PRKG1: variants seen among roughly 807,000 people sequenced by gnomAD.
PRKG1 encodes cGMP-dependent protein kinase 1.
PRKG1 carries 35 observed loss-of-function variants against 88.1 expected under a neutral mutation model. The observed-to-expected ratio is 0.40, with a 90% confidence interval of 0.30 to 0.53. The LOEUF (loss-of-function observed/expected upper bound fraction) is 0.53. PRKG1 is among the 20% of genes least tolerant of loss of function. PRKG1 has a pLI of 0.59. For synonymous variants in PRKG1, 303 were observed against 292.5 expected (o/e 1.04, Z -0.37); for missense variants, 540 against 839.8 (o/e 0.64, Z 4.41).
chr10:52,054,163 A>G (rs1293688603), intron 5 of PRKG1, among the ~76,000 whole-genome samples: 1 of 152,244 alleles, frequency 6.6e-6, no homozygotes, highest in African/African-American at 2.4e-5. Flanking sequence ...AAATGACATT[A>G]AAAGCAGTCT....
At chr10:51,579,250 G>A (rs1015560064) in intron 3 of PRKG1, among the ~76,000 whole-genome samples, 1 of 151,932 alleles carries the variant, frequency 6.6e-6, no homozygotes, top group Non-Finnish European at 1.5e-5. Flanking sequence ...CCAAAGTGCT[G>A]GGATTACAGG....
intron 3 of PRKG1, among the ~76,000 whole-genome samples, chr10:51,573,478 G>A (rs1837808300): frequency 6.6e-6 from 1 of 151,798 alleles, no homozygotes; most frequent in Admixed American, 6.6e-5. Context: ...TAATTGTAAT[G>A]GGCCTTTTGC....
intron 5 of PRKG1, among the ~76,000 whole-genome samples, chr10:51,988,407 GT>G (rs1844218870): frequency 6.6e-6 from 1 of 152,010 alleles, no homozygotes; most frequent in African/African-American, 2.4e-5. Context: ...ATGATTAAGT[GT>G]TGGGTTGCTA....
chr10:51,876,984 C>T lies in PRKG1; in HGVS notation c.699-30523C>T, dbSNP rs1841315744. Among the ~76,000 whole-genome samples, 3 of 152,130 alleles carry T rather than the reference C, an allele frequency of 2.0e-5. No homozygotes were observed. In the South Asian group the frequency reaches 6.2e-4, roughly 32 times the overall value. On this transcript the variant is annotated intron_variant, in intron 4 of 17. Transcript: ENST00000373980. ...CCCTACCAATGGTTATTGAGATCAG[C>T]TCACAGATAAACTGTTCACACTCAA... is the stretch of plus-strand genomic sequence containing the variant.
chr10:51,412,571 G>A (rs2132690613), intron 2 of PRKG1, among the ~76,000 whole-genome samples: 1 of 152,294 alleles, frequency 6.6e-6, no homozygotes, highest in East Asian at 1.9e-4. Flanking sequence ...TTGAACCCGG[G>A]AGGCGGAGGT....
intron 5 of PRKG1, among the ~76,000 whole-genome samples, chr10:51,957,171 TTTAC>T (rs1230846446): frequency 1.1e-4 from 14 of 130,988 alleles, no homozygotes; most frequent in Admixed American, 3.8e-4. Flanking sequence ...CTCTCTTTCT[TTTAC>T]TTCCTTCCTT....
At chr10:51,471,113 C>G (rs1840037051) in intron 3 of PRKG1, among the ~76,000 whole-genome samples, 1 of 151,572 alleles carries the variant, frequency 6.6e-6, no homozygotes, top group African/African-American at 2.4e-5. Flanking sequence ...ATAAAATTAA[C>G]ATTATATTGG....
intron 9 of PRKG1, among the ~76,000 whole-genome samples, chr10:52,216,088 A>G (rs924862018): frequency 1.3e-5 from 2 of 152,228 alleles, no homozygotes; most frequent in Non-Finnish European, 2.9e-5. Flanking sequence ...CTGAAGTAAG[A>G]AGAGAGCTAG....
At chr10:51,759,986 A>C (rs981720256) in intron 3 of PRKG1, among the ~76,000 whole-genome samples, 1 of 152,214 alleles carries the variant, frequency 6.6e-6, no homozygotes, top group Non-Finnish European at 1.5e-5. Flanking sequence ...AATTGATAAA[A>C]CAAAGCTAGT....
At chr10:51,252,981 C>G (rs1023347731) in intron 2 of PRKG1, among the ~76,000 whole-genome samples, 1 of 151,694 alleles carries the variant, frequency 6.6e-6, no homozygotes, top group Admixed American at 6.6e-5. Context: ...TCAAACCAAC[C>G]CACCAGTGAG....
chr10:51,431,104 AAG>A (rs1385269697), intron 2 of PRKG1, among the ~76,000 whole-genome samples: 6 of 152,082 alleles, frequency 3.9e-5, no homozygotes, highest in Non-Finnish European at 8.8e-5. Flanking sequence ...AGATGTTAAA[AAG>A]AGAGAGAGAG....
intron 4 of PRKG1, among the ~76,000 whole-genome samples, chr10:51,833,935 A>T (rs1240046907): frequency 5.3e-5 from 8 of 152,158 alleles, no homozygotes; most frequent in Non-Finnish European, 8.8e-5. Context: ...GATTTTACAT[A>T]TAAGTGAGAT....
intron 17 of PRKG1, among the ~76,000 whole-genome samples, chr10:52,290,630 GGAGTTCAA>G (rs1842218195): frequency 6.6e-6 from 1 of 152,086 alleles, no homozygotes; most frequent in Non-Finnish European, 1.5e-5. Flanking sequence ...CTTGAGGCCA[GGAGTTCAA>G]GAGTTCAAGA....
chr10:51,717,565 C>T (rs1190591192), intron 3 of PRKG1, among the ~76,000 whole-genome samples: 1 of 152,152 alleles, frequency 6.6e-6, no homozygotes, highest in Non-Finnish European at 1.5e-5. Context: ...GGTACTGTGG[C>T]TCATGCCTGT....
chr10:52,138,732 G>T (rs1837495693), intron 8 of PRKG1, among the ~76,000 whole-genome samples: 1 of 152,052 alleles, frequency 6.6e-6, no homozygotes, highest in African/African-American at 2.4e-5. Flanking sequence ...TATGAAATTA[G>T]GAGGAAATGT....
At chr10:51,926,155 T>C (rs562039223) in intron 5 of PRKG1, among the ~76,000 whole-genome samples, 1 of 152,144 alleles carries the variant, frequency 6.6e-6, no homozygotes, top group East Asian at 1.9e-4. Context: ...AAATAACAGG[T>C]TTAAGGAAAA....
chr10:52,224,233 C>T (rs942184024), intron 9 of PRKG1, among the ~76,000 whole-genome samples: 1 of 152,008 alleles, frequency 6.6e-6, no homozygotes, highest in East Asian at 1.9e-4. Flanking sequence ...CTATAACTGT[C>T]TTGCTAATTG....
intron 1 of PRKG1, among the ~76,000 whole-genome samples, chr10:51,015,938 C>T (rs1046034742): frequency 3.9e-5 from 6 of 152,106 alleles, no homozygotes; most frequent in African/African-American, 1.4e-4. Flanking sequence ...GGTCTTCTCA[C>T]AGCTGTGTTA....
intron 2 of PRKG1, among the ~76,000 whole-genome samples, chr10:51,196,066 G>T (rs918244356): frequency 2.6e-5 from 4 of 152,152 alleles, no homozygotes; most frequent in Admixed American, 6.6e-5. Context: ...AGAGAAGGGA[G>T]GATCCTTGCT....
Sources: gnomAD v4.1 joint callset for allele counts (sites outside exome capture counted in the v4.1 genomes callset) on GRCh38, gnomAD v4.1.1 for gene constraint, MANE v1.5 for transcripts, NCBI Gene and HGNC (gene_info 2026-07-23, HGNC 2026-07-21) for gene names.